The following NAT1 variants were observed in gnomAD, a reference collection of about 807,000 sequenced individuals.
NAT1 encodes the protein arylamine N-acetyltransferase 1.
For missense variants in NAT1, 400 were observed against 339.2 expected (o/e 1.18, Z -1.41); for synonymous variants, 144 against 122.6 (o/e 1.17, Z -1.16).
chr8:18,185,316 T>C (rs1375204004), intron 2 of NAT1, among the ~76,000 whole-genome samples: 1 of 152,336 alleles, frequency 6.6e-6, no homozygotes, highest in Middle Eastern at 3.4e-3. Flanking sequence ...AATTTATAGA[T>C]TCCATTCCTT....
chr8:18,189,424 G>A (rs926171770), intron 2 of NAT1, among the ~76,000 whole-genome samples: 1 of 152,084 alleles, frequency 6.6e-6, no homozygotes, highest in South Asian at 2.1e-4. Flanking sequence ...ATACTCTGGG[G>A]GAGGCATATC....
chr8:18,215,639 T>C (rs1473114388), intron 1 of NAT1, among the ~76,000 whole-genome samples: 1 of 152,192 alleles, frequency 6.6e-6, no homozygotes, highest in Non-Finnish European at 1.5e-5. Flanking sequence ...TTTCAGTTTA[T>C]TTTTCTTCTT....
At chr8:18,176,307 T>G (rs1802292574) in intron 2 of NAT1, among the ~76,000 whole-genome samples, 1 of 152,076 alleles carries the variant, frequency 6.6e-6, no homozygotes. Context: ...GAGAGTATCC[T>G]CAATTTGATT....
intron 2 of NAT1, among the ~76,000 whole-genome samples, chr8:18,219,982 TA>T (rs1805114012): frequency 6.6e-6 from 1 of 152,208 alleles, no homozygotes; most frequent in Non-Finnish European, 1.5e-5. Flanking sequence ...AGTAATTTCT[TA>T]AAAGAAGGAA....
intron 1 of NAT1, among the ~76,000 whole-genome samples, chr8:18,219,092 T>A (rs1348689698): frequency 6.6e-6 from 1 of 152,130 alleles, no homozygotes; most frequent in Admixed American, 6.5e-5. Flanking sequence ...GGAACTTGGT[T>A]CACCCTTCCT....
At chr8:18,205,062 C>T (rs1218037790) in intron 2 of NAT1, among the ~76,000 whole-genome samples, 2 of 152,114 alleles carry the variant, frequency 1.3e-5, no homozygotes, top group Non-Finnish European at 2.9e-5. Flanking sequence ...TGAGGGGGGT[C>T]GAGGTACTCC....
At chr8:18,190,010 G>A (rs994341482) in intron 2 of NAT1, among the ~76,000 whole-genome samples, 20 of 152,232 alleles carry the variant, frequency 1.3e-4, no homozygotes, top group Non-Finnish European at 2.1e-4. Context: ...GGCTGGTCTC[G>A]AACTCCTGAC....
chr8:18,193,053 T>C (rs1296580348), intron 2 of NAT1, among the ~76,000 whole-genome samples: 1 of 146,844 alleles, frequency 6.8e-6, no homozygotes, highest in Non-Finnish European at 1.5e-5. Flanking sequence ...GATGTTAAGA[T>C]CTAATGAATT....
intron 2 of NAT1, among the ~76,000 whole-genome samples, chr8:18,188,551 G>A (rs1802836868): frequency 6.6e-6 from 1 of 151,932 alleles, no homozygotes; most frequent in Non-Finnish European, 1.5e-5. Context: ...TTGGGAAATA[G>A]GCATGTGGCA....
chr8:18,180,897 G>A (rs957875805), intron 2 of NAT1, among the ~76,000 whole-genome samples: 1 of 152,068 alleles, frequency 6.6e-6, no homozygotes, highest in Non-Finnish European at 1.5e-5. Flanking sequence ...ATGCTGCTTT[G>A]GTTGCTATAG....
At chr8:18,174,098 G>A (rs1172218669) in intron 2 of NAT1, among the ~76,000 whole-genome samples, 1 of 152,084 alleles carries the variant, frequency 6.6e-6, no homozygotes, top group African/African-American at 2.4e-5. Context: ...GGGTCACTAA[G>A]AAGAGAGAAA....
chr8:18,191,625 T>G (rs1802993974), intron 2 of NAT1, among the ~76,000 whole-genome samples: 1 of 152,134 alleles, frequency 6.6e-6, no homozygotes, highest in Admixed American at 6.5e-5. Context: ...AACAGCATGG[T>G]ACTGGTACCA....
chr8:18,213,006 G>C (rs1425025884), intron 1 of NAT1, among the ~76,000 whole-genome samples: 3 of 151,130 alleles, frequency 2.0e-5, no homozygotes, highest in Non-Finnish European at 2.9e-5. Context: ...CCGGGTTCAA[G>C]TGATTCTCCT....
Position 18,203,980 on chromosome 8 carries a change from T to G in NAT1, n.93-5801T>G, listed in dbSNP as rs986055300. ...AAAGGAGCAGACAAGATGGTGCCAA[T>G]CAACTGGAAAGTCCACTTGCATAAG... On this transcript the variant is annotated intron_variant and non_coding_transcript_variant, in intron 2 of 4. Coordinates refer to the NAT1 transcript ENST00000517441. Among the ~76,000 whole-genome samples, 51 of 152,120 alleles carry G rather than the reference T, an allele frequency of 3.4e-4. 1 individual carries two copies. Among genetic ancestry groups the G allele is most frequent in the Admixed American group, 2.1e-3 (32 of 15,282 alleles).
chr8:18,170,828 C>T (rs926330787), intron 2 of NAT1: 2 of 152,080 alleles, frequency 1.3e-5, no homozygotes, highest in Admixed American at 1.3e-4. Context: ...TTCTAACTTC[C>T]ACTTATTTTG....
intron 2 of NAT1, among the ~76,000 whole-genome samples, chr8:18,172,633 G>A (rs1279631652): frequency 1.3e-5 from 2 of 152,024 alleles, no homozygotes; most frequent in Non-Finnish European, 2.9e-5. Flanking sequence ...TGGTAAACTA[G>A]GACTCTTAAC....
At chr8:18,178,487 C>T (rs959759460) in intron 2 of NAT1, among the ~76,000 whole-genome samples, 1 of 152,104 alleles carries the variant, frequency 6.6e-6, no homozygotes, top group South Asian at 2.1e-4. Context: ...GATTGAGGTT[C>T]TATTTTTGGG....
chr8:18,192,837 T>C (rs1232364297), intron 2 of NAT1, among the ~76,000 whole-genome samples: 1 of 150,930 alleles, frequency 6.6e-6, no homozygotes, highest in Non-Finnish European at 1.5e-5. Flanking sequence ...CTGGGGACTG[T>C]TGTGGGGTGG....
chr8:18,191,415 G>A (rs925061892), intron 2 of NAT1, among the ~76,000 whole-genome samples: 2 of 152,080 alleles, frequency 1.3e-5, no homozygotes, highest in Non-Finnish European at 2.9e-5. Context: ...TTTCACAAGA[G>A]AAAATTCCAT....
Sources: allele counts gnomAD v4.1 joint callset (sites outside exome capture counted in the v4.1 genomes callset), GRCh38; gene constraint gnomAD v4.1.1; transcripts MANE v1.5; gene names NCBI Gene and HGNC (gene_info 2026-07-23, HGNC 2026-07-21).